Variants in SETD5 observed in about 807,000 individuals in gnomAD.
The protein encoded by SETD5 is histone-lysine N-methyltransferase SETD5.
A neutral mutation model predicts 153.3 loss-of-function variants in SETD5; 44 were observed. The ratio of observed to expected loss-of-function variants is 0.29; its 90% CI spans 0.23 to 0.37. The LOEUF is 0.37. SETD5 is among the 10% of genes least tolerant of loss of function. SETD5 has a pLI of 1.00. For missense variants in SETD5, 1,544 were observed against 1,768.0 expected, an observed-to-expected ratio of 0.87 and a Z score of 2.27; for synonymous variants, 716 against 645.2, an observed-to-expected ratio of 1.11 and a Z score of -1.66.
At chr3:9,429,645 G>A (rs1160570285) in intron 3 of SETD5, among the ~76,000 whole-genome samples, 1 of 152,096 alleles carries the variant, frequency 6.6e-6, no homozygotes, top group African/African-American at 2.4e-5. Context: ...CTTGAAGAAT[G>A]TAAATGCCAA....
Position 9,453,796 on chromosome 3 carries a change from G to C in SETD5, c.2404G>C (p.Glu802Gln). The C allele has an allele frequency of 6.2e-7, 1 of 1,610,088 alleles. No homozygotes were observed. The highest frequency in any genetic ancestry group is 8.5e-7 in the Non-Finnish European group (1 of 1,178,856). Residue 802 changes from glutamate (E) to glutamine (Q), a missense_variant, in exon 17 of 23, where the codon GAG becomes CAG. Glu to Gln is a conservative substitution (Grantham distance 29). Coordinates refer to ENST00000402198, the MANE Select transcript of SETD5 (RefSeq NM_001080517.3). ...GMTQTSSVPQETRTQHLYQSN... is the reference protein window; with the variant it reads ...GMTQTSSVPQQTRTQHLYQSN... The stretch of plus-strand genomic sequence containing the variant: ...GACTCAAACATCATCTGTACCCCAA[G>C]AGACTAGAACTCAGCACCTATACCA...
intron 1 of SETD5, among the ~76,000 whole-genome samples, chr3:9,406,748 TAG>T (rs2035770077): frequency 6.6e-6 from 1 of 152,146 alleles, no homozygotes; most frequent in South Asian, 2.1e-4. Context: ...AATTTAGTAA[TAG>T]AACAAAATAA....
intron 8 of SETD5, among the ~76,000 whole-genome samples, chr3:9,440,963 C>A (rs1281301971): frequency 1.3e-5 from 2 of 152,038 alleles, no homozygotes; most frequent in Non-Finnish European, 2.9e-5. Flanking sequence ...TAATACAACA[C>A]TTTGGCAAGA....
chr3:9,476,209 T>C lies in SETD5; in HGVS notation c.*118T>C, dbSNP rs891465326. On this transcript the variant is annotated 3_prime_UTR_variant, in exon 23 of 23. Coordinates refer to ENST00000402198, the MANE Select transcript of SETD5 (RefSeq NM_001080517.3). Reference sequence around the variant, plus strand: ...ACGGGGGGTACAAGGTGCCAGAGGATTGGGTCTGGTGGACAAGAAACAAGA... The same window carrying C: ...ACGGGGGGTACAAGGTGCCAGAGGACTGGGTCTGGTGGACAAGAAACAAGA... 4.4e-6 allele frequency: 6 copies of C among 1,360,802 alleles called. No homozygotes were observed. Among genetic ancestry groups the C allele is most frequent in the Non-Finnish European group, 5.9e-6 (6 of 1,021,744 alleles). The allele number at this position is 1,360,802 out of a possible 1,614,324, so 84.3% of individuals were successfully genotyped here.
chr3:9,463,781 CAGT>C (rs2044248147), intron 17 of SETD5, among the ~76,000 whole-genome samples: 1 of 152,180 alleles, frequency 6.6e-6, no homozygotes. Context: ...GGTGATATAG[CAGT>C]TTAGTAGAGG....
intron 19 of SETD5, among the ~76,000 whole-genome samples, chr3:9,471,657 T>G (rs2045316957): frequency 6.6e-6 from 1 of 152,202 alleles, no homozygotes; most frequent in Non-Finnish European, 1.5e-5. Flanking sequence ...GGGACTCCAC[T>G]TCCAAGTAAT....
rs748319874 is a variant in SETD5 at position 9,470,440 on chromosome 3, T to C, written c.2725-19T>C. ...CTTTCTCCCCTACCCCATGTCTCCG[T>C]TGATTTTTATTCTTTCAGCTTTGTC... On this transcript the variant is annotated intron_variant, in intron 18 of 22. Coordinates refer to ENST00000402198, the MANE Select transcript of SETD5 (RefSeq NM_001080517.3). The C allele has an allele frequency of 3.8e-6, 6 of 1,595,698 alleles. No individual in the cohort carries two copies. The highest frequency in any genetic ancestry group is 2.7e-5 in the African/African-American group (2 of 74,456).
chr3:9,426,538 C>T (rs2125011836), intron 2 of SETD5, among the ~76,000 whole-genome samples: 1 of 151,686 alleles, frequency 6.6e-6, no homozygotes, highest in South Asian at 2.1e-4. Flanking sequence ...CTGGGATTAC[C>T]AGCGTGTGCC....
At chr3:9,424,239 C>G (rs950349915) in intron 1 of SETD5, among the ~76,000 whole-genome samples, 4 of 152,026 alleles carry the variant, frequency 2.6e-5, no homozygotes, top group African/African-American at 9.7e-5. Context: ...CCATTTAAGT[C>G]AAATAATTTC....
Position 9,474,476 on chromosome 3 carries a change from C to T in SETD5, c.3525C>T (p.Leu1175=). The T allele has an allele frequency of 6.2e-7, 1 of 1,613,966 alleles. No homozygotes were observed. Among genetic ancestry groups the T allele is most frequent in the Non-Finnish European group, 8.5e-7 (1 of 1,179,868 alleles). ...RWMVPTSVER[L]REGGSIPKVL... ...TGGTTCCCACATCAGTAGAACGACT[C>T]CGAGAAGGAGGGAGCATCCCCAAGG... is the stretch of plus-strand genomic sequence containing the variant. The change falls in exon 21 of 23, where the codon CTC becomes CTT. Residue 1175 remains leucine, a synonymous_variant. Transcript: ENST00000402198.
chr3:9,426,913 T>C (rs192041354), intron 2 of SETD5, among the ~76,000 whole-genome samples: 49 of 152,262 alleles, frequency 3.2e-4, no homozygotes, highest in African/African-American at 1.1e-3. Context: ...CCCAGAGGTC[T>C]CACTTCATCA....
intron 17 of SETD5, among the ~76,000 whole-genome samples, chr3:9,455,999 T>TA (rs1213684028): frequency 6.6e-6 from 1 of 152,220 alleles, no homozygotes; most frequent in Non-Finnish European, 1.5e-5. Context: ...ATGCGCAAGT[T>TA]ATATTGCTAC....
At chr3:9,412,881 T>G (rs2036819491) in intron 1 of SETD5, among the ~76,000 whole-genome samples, 2 of 151,308 alleles carry the variant, frequency 1.3e-5, no homozygotes, top group Admixed American at 6.6e-5. Context: ...TAAATGGACT[T>G]CTTTATACCA....
At chr3:9,455,115 C>A (rs1241125770) in intron 17 of SETD5, among the ~76,000 whole-genome samples, 1 of 143,204 alleles carries the variant, frequency 7.0e-6, no homozygotes, top group Non-Finnish European at 1.5e-5. Context: ...TTGGATTTTA[C>A]TTCTTTTTAG....
rs17050385 is a variant in SETD5 at position 9,474,902 on chromosome 3, T to C, written c.3632-166T>C. ...CATCAGGCATTTAGAACATAGCCCA[T>C]AATTAACCACTCATTTTGCCCTTCT... On this transcript the variant is annotated intron_variant, in intron 21 of 22. Transcript: ENST00000402198. The C allele has an allele frequency of 0.011, 7,408 of 646,064 alleles. 443 individuals are homozygous for C. In the African/African-American group the frequency reaches 0.12, roughly 11 times the overall value. 40.0% of individuals were successfully genotyped at this position (646,064 alleles called of 1,614,324 possible).
chr3:9,469,872 A>G (rs1256647256), intron 18 of SETD5, among the ~76,000 whole-genome samples: 1 of 152,200 alleles, frequency 6.6e-6, no homozygotes, highest in Non-Finnish European at 1.5e-5. Context: ...TGAGAAACAC[A>G]GCTTCTTTAA....
chr3:9,417,107 G>C (rs1364544054), intron 1 of SETD5, among the ~76,000 whole-genome samples: 3 of 152,144 alleles, frequency 2.0e-5, no homozygotes, highest in Non-Finnish European at 2.9e-5. Flanking sequence ...GTAGATTTCA[G>C]ATAATGCAAT....
At chr3:9,421,856 T>C (rs567354514) in intron 1 of SETD5, among the ~76,000 whole-genome samples, 3 of 152,312 alleles carry the variant, frequency 2.0e-5, no homozygotes, top group African/African-American at 7.2e-5. Context: ...TTTAGTAGTA[T>C]ATAGAAGTAA....
intron 19 of SETD5, 141 bp from the exon 20 acceptor site, chr3:9,473,095 G>C (rs1212126323): frequency 2.0e-6 from 2 of 986,882 alleles, no homozygotes; most frequent in African/African-American, 3.3e-5. Context: ...AAAGTTATCA[G>C]GGTTGGTGTC....
Sources: allele counts gnomAD v4.1 joint callset (sites outside exome capture counted in the v4.1 genomes callset), GRCh38; gene constraint gnomAD v4.1.1; transcripts MANE v1.5; gene names NCBI Gene and HGNC (gene_info 2026-07-23, HGNC 2026-07-21).